The following ERC2 variants were observed in gnomAD, a reference collection of about 807,000 sequenced individuals.
ERC2 encodes the protein ERC protein 2.
Under a neutral mutation model 114.8 loss-of-function variants are expected in ERC2, and 42 were observed. That is an observed-to-expected ratio of 0.37 (90% CI 0.29 to 0.47). The LOEUF (loss-of-function observed/expected upper bound fraction) is 0.47. Among genes scored for constraint, ERC2 ranks in the 20% least tolerant of loss-of-function variants. ERC2 has a pLI of 0.99. For missense variants in ERC2, 939 were observed against 1,150.7 expected, an observed-to-expected ratio of 0.82 and a Z score of 2.66; for synonymous variants, 454 against 425.5, an observed-to-expected ratio of 1.07 and a Z score of -0.82.
At chr3:56,169,904 A>G (rs559926856) in intron 4 of ERC2, among the ~76,000 whole-genome samples, 25 of 152,296 alleles carry the variant, frequency 1.6e-4, no homozygotes, top group Non-Finnish European at 2.4e-4. Context: ...AATAAAAATA[A>G]GTTACACATT....
At chr3:56,243,570 T>C (rs1261274197) in intron 3 of ERC2, among the ~76,000 whole-genome samples, 1 of 152,210 alleles carries the variant, frequency 6.6e-6, no homozygotes, top group Non-Finnish European at 1.5e-5. Flanking sequence ...CACAGTCCTT[T>C]GGATCCCTGA....
chr3:55,932,596 C>T (rs2066164256), intron 13 of ERC2, among the ~76,000 whole-genome samples: 1 of 152,184 alleles, frequency 6.6e-6, no homozygotes, highest in South Asian at 2.1e-4. Context: ...AGCTTGAATA[C>T]TGCACACTCC....
chr3:55,837,582 C>T (rs1431005387), intron 14 of ERC2, among the ~76,000 whole-genome samples: 4 of 130,532 alleles, frequency 3.1e-5, no homozygotes, highest in Middle Eastern at 6.3e-3. Flanking sequence ...GGAAGGGGAA[C>T]ATCACACTCT....
intron 13 of ERC2, among the ~76,000 whole-genome samples, chr3:55,942,980 C>A (rs1422594702): frequency 6.6e-6 from 1 of 152,164 alleles, no homozygotes; most frequent in Non-Finnish European, 1.5e-5. Flanking sequence ...GCTGAAATAC[C>A]AGCATCTATT....
chr3:56,285,011 T>TCACACACA (rs1224717422), intron 3 of ERC2, among the ~76,000 whole-genome samples: 3 of 95,686 alleles, frequency 3.1e-5, no homozygotes, highest in African/African-American at 1.0e-4. Context: ...TCTCTCTCTC[T>TCACACACA]CACACACACA....
intron 15 of ERC2, among the ~76,000 whole-genome samples, chr3:55,733,316 C>T (rs1362764687): frequency 6.6e-6 from 1 of 152,084 alleles, no homozygotes; most frequent in Non-Finnish European, 1.5e-5. Flanking sequence ...GCAAGGCATG[C>T]CACTCTGTGG....
intron 17 of ERC2, among the ~76,000 whole-genome samples, chr3:55,613,548 A>G (rs921961206): frequency 1.3e-5 from 2 of 152,200 alleles, no homozygotes; most frequent in Admixed American, 6.5e-5. Context: ...GACATTGTTC[A>G]TGGAAAATTC....
intron 14 of ERC2, among the ~76,000 whole-genome samples, chr3:55,758,557 T>G (rs1328691764): frequency 6.6e-6 from 1 of 152,240 alleles, no homozygotes; most frequent in African/African-American, 2.4e-5. Flanking sequence ...TTCTAACTTT[T>G]ACAGATGCCT....
intron 2 of ERC2, among the ~76,000 whole-genome samples, chr3:56,350,578 A>C (rs1232605367): frequency 6.6e-6 from 1 of 152,202 alleles, no homozygotes; most frequent in African/African-American, 2.4e-5. Flanking sequence ...ATACAGTGAA[A>C]TGCTCATGGT....
intron 13 of ERC2, among the ~76,000 whole-genome samples, chr3:55,889,648 C>G (rs1440435016): frequency 6.6e-6 from 1 of 152,088 alleles, no homozygotes; most frequent in East Asian, 1.9e-4. Context: ...AAATGCCATC[C>G]CTTGCACAGA....
At chr3:56,219,668 A>C (rs1244756224) in intron 3 of ERC2, among the ~76,000 whole-genome samples, 2 of 117,040 alleles carry the variant, frequency 1.7e-5, no homozygotes, top group East Asian at 5.2e-4. Flanking sequence ...AAGAAGGCTC[A>C]AGTGCGAAAA....
intron 12 of ERC2, among the ~76,000 whole-genome samples, chr3:55,953,847 T>G (rs1288805374): frequency 6.6e-6 from 1 of 152,086 alleles, no homozygotes; most frequent in Non-Finnish European, 1.5e-5. Flanking sequence ...AATCTATAAG[T>G]GACCTATCAG....
rs544859596 is a variant in ERC2 at position 55,516,356 on chromosome 3, TATTA to T, written c.*40-5084_*40-5081del. ...CCCGTTTTCCTCATGAAGATTTATT[TATTA>T]TTGTTGTGATCAAAGTGGCAACAAA... On this transcript the variant is annotated intron_variant, in intron 17 of 17. Coordinates refer to ENST00000288221, the MANE Select transcript of ERC2 (RefSeq NM_015576.3). Among the ~76,000 whole-genome samples, 25 of 152,340 alleles carry T rather than the reference TATTA, an allele frequency of 1.6e-4. 1 individual carries two copies. Among genetic ancestry groups the T allele is most frequent in the Admixed American group, 1.2e-3 (18 of 15,304 alleles).
intron 15 of ERC2, among the ~76,000 whole-genome samples, chr3:55,732,251 T>C (rs2065295889): frequency 6.6e-6 from 1 of 152,196 alleles, no homozygotes; most frequent in Non-Finnish European, 1.5e-5. Flanking sequence ...GTTATTTTGA[T>C]AGCACATTAA....
Position 56,295,872 on chromosome 3 carries a change from G to T in ERC2, c.1074+147C>A, listed in dbSNP as rs531801879. The T allele has an allele frequency of 7.3e-6, 6 of 818,628 alleles. No individual in the cohort carries two copies. In the African/African-American group the frequency reaches 8.6e-5, roughly 12 times the overall value. The allele number at this position is 818,628 out of a possible 1,614,324, so 50.7% of individuals were successfully genotyped here. ...GACTAATACAAAATTCCAGTTTAATGGTCTTAAGCCGGCAGGAAGGTCATA... is the reference window on the plus strand; with the variant it reads ...GACTAATACAAAATTCCAGTTTAATTGTCTTAAGCCGGCAGGAAGGTCATA... On this transcript the variant is annotated intron_variant, in intron 3 of 17. Transcript: ENST00000288221.
At chr3:56,311,694 G>A (rs1441068421) in intron 2 of ERC2, among the ~76,000 whole-genome samples, 1 of 151,944 alleles carries the variant, frequency 6.6e-6, no homozygotes, top group Non-Finnish European at 1.5e-5. Flanking sequence ...TCACCCTACT[G>A]ATCTATCGAA....
intron 14 of ERC2, among the ~76,000 whole-genome samples, chr3:55,824,944 C>G (rs17056024): frequency 0.086 from 13,127 of 152,208 alleles, 871 homozygotes; most frequent in African/African-American, 0.18. Context: ...TTTGTTTCCT[C>G]TCTATTTTAG....
chr3:55,612,511 C>A (rs769620850), intron 17 of ERC2, among the ~76,000 whole-genome samples: 1 of 152,158 alleles, frequency 6.6e-6, no homozygotes, highest in Non-Finnish European at 1.5e-5. Context: ...GATGTCATTC[C>A]TTATTTATCA....
chr3:56,216,877 C>T (rs545567877), intron 3 of ERC2, among the ~76,000 whole-genome samples: 3 of 152,134 alleles, frequency 2.0e-5, no homozygotes, highest in African/African-American at 7.2e-5. Context: ...ATAAACAGAA[C>T]CAAAGACAAA....
Sources: allele counts gnomAD v4.1 joint callset (sites outside exome capture counted in the v4.1 genomes callset), GRCh38; gene constraint gnomAD v4.1.1; transcripts MANE v1.5; gene names NCBI Gene and HGNC (gene_info 2026-07-23, HGNC 2026-07-21).